The following LRRTM3 variants were observed in gnomAD, a reference collection of about 807,000 sequenced individuals.
The protein encoded by LRRTM3 is leucine rich repeat transmembrane neuronal 3, also known as leucine-rich repeat transmembrane neuronal protein 3.
LRRTM3 carries 24 observed loss-of-function variants against 44.7 expected under a neutral mutation model. The observed-to-expected ratio is 0.54, with a 90% CI of 0.39 to 0.76. The LOEUF (loss-of-function observed/expected upper bound fraction) is 0.76. Ranked by LOEUF, LRRTM3 falls within the 30% of genes least tolerant of loss-of-function variation. The pLI, the probability that LRRTM3 is intolerant of heterozygous loss-of-function variation, is 0.00. For synonymous variants in LRRTM3, 277 were observed against 278.7 expected, an observed-to-expected ratio of 0.99 and a Z score of 0.06; for missense variants, 587 against 702.2, an observed-to-expected ratio of 0.84 and a Z score of 1.85.
intron 2 of LRRTM3, among the ~76,000 whole-genome samples, chr10:67,045,098 T>C (rs543189794): frequency 6.6e-6 from 1 of 152,292 alleles, no homozygotes; most frequent in African/African-American, 2.4e-5. Context: ...TATTAAAGAC[T>C]ACCAGATACG....
chr10:66,970,634 A>T (rs1357948455), intron 2 of LRRTM3, among the ~76,000 whole-genome samples: 2 of 152,128 alleles, frequency 1.3e-5, no homozygotes, highest in Non-Finnish European at 2.9e-5. Flanking sequence ...GTGACCTCAA[A>T]TATCCATGAA....
At chr10:66,996,649 C>CATAAAAAAAAAAA (rs1851364318) in intron 2 of LRRTM3, among the ~76,000 whole-genome samples, 1 of 67,644 alleles carries the variant, frequency 1.5e-5, no homozygotes, top group Non-Finnish European at 2.5e-5. Context: ...TCCGTCTCTA[C>CATAAAAAAAAAAA]AAAAAAAAAA....
chr10:66,938,085 G>A (rs761762812), intron 2 of LRRTM3, among the ~76,000 whole-genome samples: 16 of 152,202 alleles, frequency 1.1e-4, no homozygotes, highest in South Asian at 6.2e-4. Flanking sequence ...AGTTATTATT[G>A]CAAACAATCT....
chr10:66,967,318 A>G (rs190488456), intron 2 of LRRTM3, among the ~76,000 whole-genome samples: 1 of 150,388 alleles, frequency 6.6e-6, no homozygotes, highest in South Asian at 2.1e-4. Flanking sequence ...AGATAGATAT[A>G]GATATGGATA....
intron 2 of LRRTM3, among the ~76,000 whole-genome samples, chr10:67,079,762 C>T (rs1265879222): frequency 1.3e-5 from 2 of 151,828 alleles, no homozygotes; most frequent in Non-Finnish European, 2.9e-5. Context: ...GCAGGAGAAT[C>T]TCTTGAACCC....
chr10:67,018,673 A>G (rs1224951817), intron 2 of LRRTM3, among the ~76,000 whole-genome samples: 1 of 152,238 alleles, frequency 6.6e-6, no homozygotes, highest in Non-Finnish European at 1.5e-5. Flanking sequence ...TTAACCGTGG[A>G]CAAGCCACTT....
At chr10:67,087,611 G>A (rs1341400138) in intron 2 of LRRTM3, among the ~76,000 whole-genome samples, 1 of 151,770 alleles carries the variant, frequency 6.6e-6, no homozygotes, top group African/African-American at 2.4e-5. Context: ...AAATAAAGTG[G>A]ATCTCAAACA....
intron 2 of LRRTM3, among the ~76,000 whole-genome samples, chr10:67,016,342 T>C (rs1410902642): frequency 1.3e-5 from 2 of 152,236 alleles, no homozygotes; most frequent in Non-Finnish European, 2.9e-5. Flanking sequence ...TTTTATTTTC[T>C]TAACATTGAA....
At chr10:67,048,969 T>A (rs1340875497) in intron 2 of LRRTM3, among the ~76,000 whole-genome samples, 1 of 152,032 alleles carries the variant, frequency 6.6e-6, no homozygotes, top group African/African-American at 2.4e-5. Flanking sequence ...TCTTAGTTAT[T>A]CCTTAATTTT....
intron 2 of LRRTM3, among the ~76,000 whole-genome samples, chr10:67,090,086 G>A (rs937198625): frequency 6.6e-6 from 1 of 152,056 alleles, no homozygotes; most frequent in African/African-American, 2.4e-5. Flanking sequence ...CAATTTCTAA[G>A]TCAACACAGG....
At chr10:66,958,962 T>C (rs1589494700) in intron 2 of LRRTM3, among the ~76,000 whole-genome samples, 1 of 152,172 alleles carries the variant, frequency 6.6e-6, no homozygotes, top group Non-Finnish European at 1.5e-5. Flanking sequence ...TATTCAGACA[T>C]AGGGAGAGAG....
chr10:67,008,070 C>CT (rs918021853), intron 2 of LRRTM3, among the ~76,000 whole-genome samples: 9 of 151,200 alleles, frequency 6.0e-5, no homozygotes, highest in African/African-American at 2.2e-4. Context: ...TGAGATGTTT[C>CT]TTTTTTCTTG....
chr10:66,948,945 A>G (rs1411421429), intron 2 of LRRTM3, among the ~76,000 whole-genome samples: 2 of 152,202 alleles, frequency 1.3e-5, no homozygotes, highest in African/African-American at 4.8e-5. Flanking sequence ...GAACAAAGAC[A>G]TAATTCCAGA....
chr10:66,969,550 G>A (rs1849609915), intron 2 of LRRTM3, among the ~76,000 whole-genome samples: 1 of 152,010 alleles, frequency 6.6e-6, no homozygotes, highest in Non-Finnish European at 1.5e-5. Context: ...GCATCAAAAG[G>A]ACAGATTTAG....
chr10:66,977,628 C>T (rs924419124), intron 2 of LRRTM3, among the ~76,000 whole-genome samples: 3 of 152,146 alleles, frequency 2.0e-5, no homozygotes, highest in African/African-American at 7.2e-5. Context: ...TCCAAATGTG[C>T]TCTAAATTTG....
chr10:67,073,550 A>G (rs1395707512), intron 2 of LRRTM3, among the ~76,000 whole-genome samples: 1 of 152,158 alleles, frequency 6.6e-6, no homozygotes. Context: ...CCTAGATGCT[A>G]TGATTAAGCC....
At chr10:67,089,908 C>T (rs867994374) in intron 2 of LRRTM3, among the ~76,000 whole-genome samples, 1 of 151,996 alleles carries the variant, frequency 6.6e-6, no homozygotes, top group Non-Finnish European at 1.5e-5. Context: ...ATTTCCCAGT[C>T]CTGTACTTCT....
At chr10:66,936,071 A>G (rs1847678392) in intron 2 of LRRTM3, among the ~76,000 whole-genome samples, 1 of 152,128 alleles carries the variant, frequency 6.6e-6, no homozygotes, top group African/African-American at 2.4e-5. Context: ...CATGTCATTC[A>G]TTAAAAAGCA....
chr10:67,066,224 G>A (rs865904782), intron 2 of LRRTM3, among the ~76,000 whole-genome samples: 3 of 118,516 alleles, frequency 2.5e-5, no homozygotes, highest in South Asian at 2.7e-4. Context: ...AGACAGTCTT[G>A]CTCCATCGCC....
Sources: allele counts gnomAD v4.1 joint callset (sites outside exome capture counted in the v4.1 genomes callset), GRCh38; gene constraint gnomAD v4.1.1; transcripts MANE v1.5; gene names NCBI Gene and HGNC (gene_info 2026-07-23, HGNC 2026-07-21).